Variants in OPCML observed in about 807,000 individuals in gnomAD.
The protein encoded by OPCML is opioid-binding protein/cell adhesion molecule.
Under a neutral mutation model 37.8 loss-of-function variants are expected in OPCML, and 13 were observed. The ratio of observed to expected loss-of-function variants is 0.34; its 90% CI spans 0.22 to 0.55. OPCML has a LOEUF of 0.55. Ranked by LOEUF, OPCML falls within the 20% of genes least tolerant of loss-of-function variation. The pLI, the probability that OPCML is intolerant of heterozygous loss-of-function variation, is 0.91. For synonymous variants in OPCML, 176 were observed against 168.8 expected (o/e 1.04, Z -0.33); for missense variants, 341 against 435.6 (o/e 0.78, Z 1.93).
At position 133,210,142 on chromosome 11, in the gene OPCML, T is replaced by G. The variant is rs535110019; in HGVS notation, c.62-267132A>C. Among the ~76,000 whole-genome samples, 68 of 152,356 alleles carry G rather than the reference T, an allele frequency of 4.5e-4. 1 individual carries two copies. The South Asian group carries it at 6.8e-3, about 15-fold the overall frequency. On this transcript the variant is annotated intron_variant, in intron 1 of 7. Transcript: ENST00000524381. ...TGGGACGTGCCTCATTTGGCTGGGC[T>G]GTCACTCACTATTTTTTCATTACAG...
intron 2 of OPCML, among the ~76,000 whole-genome samples, chr11:132,828,724 C>A (rs932122938): frequency 8.5e-5 from 13 of 152,092 alleles, no homozygotes; most frequent in African/African-American, 3.1e-4. Flanking sequence ...TAGAAAAATT[C>A]TTTCTTGCCC....
intron 1 of OPCML, among the ~76,000 whole-genome samples, chr11:133,124,834 G>C (rs1274195011): frequency 6.6e-6 from 1 of 152,100 alleles, no homozygotes; most frequent in Non-Finnish European, 1.5e-5. Flanking sequence ...ACCAGTGTAG[G>C]AACCTGAATA....
intron 1 of OPCML, among the ~76,000 whole-genome samples, chr11:133,342,291 T>C (rs567307538): frequency 6.6e-6 from 1 of 152,242 alleles, no homozygotes; most frequent in Non-Finnish European, 1.5e-5. Context: ...CAAACAGGGC[T>C]AAGATGGATC....
At chr11:132,558,559 A>T (rs2096403482) in intron 3 of OPCML, among the ~76,000 whole-genome samples, 1 of 123,500 alleles carries the variant, frequency 8.1e-6, no homozygotes, top group South Asian at 2.9e-4. Context: ...CTTCTTGTGG[A>T]TATTAAGCCA....
chr11:132,679,599 C>T (rs916688770), intron 2 of OPCML, among the ~76,000 whole-genome samples: 19 of 152,050 alleles, frequency 1.2e-4, no homozygotes, highest in African/African-American at 4.6e-4. Context: ...GAAAGATGAG[C>T]AGGAAATGGG....
intron 1 of OPCML, among the ~76,000 whole-genome samples, chr11:133,220,477 C>G (rs1217558722): frequency 1.3e-5 from 2 of 152,110 alleles, no homozygotes; most frequent in Non-Finnish European, 2.9e-5. Context: ...CTGGGAGAGG[C>G]AGTGAACAGG....
At chr11:133,091,698 A>C (rs747010404) in intron 1 of OPCML, among the ~76,000 whole-genome samples, 4 of 152,072 alleles carry the variant, frequency 2.6e-5, no homozygotes, top group Non-Finnish European at 5.9e-5. Context: ...TGACCCTCCC[A>C]CCATGGTATT....
At chr11:132,678,079 T>C (rs1441407460) in intron 2 of OPCML, among the ~76,000 whole-genome samples, 2 of 152,202 alleles carry the variant, frequency 1.3e-5, no homozygotes, top group African/African-American at 4.8e-5. Flanking sequence ...TTATAAAAGA[T>C]GTCAAAGACC....
rs569535503 is a variant in OPCML at position 133,289,488 on chromosome 11, G to A, written c.61+242776C>T. Among the ~76,000 whole-genome samples, 527 of 150,390 alleles carry A rather than the reference G, an allele frequency of 3.5e-3. 2 individuals are homozygous for A. The highest frequency in any genetic ancestry group is 6.2e-3 in the Non-Finnish European group (418 of 67,284). On this transcript the variant is annotated intron_variant, in intron 1 of 7. Transcript: ENST00000524381. ...CGGGCGCCTGTAGTCCCAGCTACTC[G>A]GGAGGCTGAGGCAGGAGAATGGCGT... is the stretch of plus-strand genomic sequence containing the variant.
rs147844083 is a variant in OPCML, at chr11:133,107,866, T to C, written c.62-164856A>G. Among the ~76,000 whole-genome samples, 642 of 152,342 alleles carry C rather than the reference T, an allele frequency of 4.2e-3. 6 individuals are homozygous for C. Among genetic ancestry groups the C allele is most frequent in the African/African-American group, 0.014 (602 of 41,582 alleles). On this transcript the variant is annotated intron_variant, in intron 1 of 7. Coordinates refer to ENST00000524381, the MANE Select transcript of OPCML (RefSeq NM_001012393.5). ...TCTTAATTTATTTTTTATTTCTGAT[T>C]CTCAACGTACTCGAGACAGAGGGAG...
chr11:133,117,690 G>A, intron 1 of OPCML: 1 of 665,112 alleles, frequency 1.5e-6, no homozygotes, highest in Non-Finnish European at 1.9e-6. Context: ...TGACCAGTTT[G>A]GTAATCACTC....
At chr11:132,544,059 T>C (rs1221892169) in intron 3 of OPCML, among the ~76,000 whole-genome samples, 1 of 152,168 alleles carries the variant, frequency 6.6e-6, no homozygotes, top group Non-Finnish European at 1.5e-5. Context: ...TATTTTAGCA[T>C]TTTTATTAAA....
intron 1 of OPCML, among the ~76,000 whole-genome samples, chr11:133,490,179 C>T (rs1159944000): frequency 3.9e-5 from 6 of 152,064 alleles, no homozygotes; most frequent in African/African-American, 7.2e-5. Flanking sequence ...GTGCCCAGGA[C>T]GCATGCAAGA....
chr11:133,132,162 C>A (rs1012857613), intron 1 of OPCML, among the ~76,000 whole-genome samples: 1 of 152,138 alleles, frequency 6.6e-6, no homozygotes, highest in Non-Finnish European at 1.5e-5. Flanking sequence ...ACAGAATACA[C>A]AGAAACTCTC....
intron 2 of OPCML, among the ~76,000 whole-genome samples, chr11:132,797,708 A>G (rs1242526396): frequency 2.0e-5 from 3 of 152,222 alleles, no homozygotes; most frequent in Non-Finnish European, 2.9e-5. Context: ...ATTGATCTCT[A>G]TCAATGGGTC....
chr11:132,652,449 G>A (rs930269476), intron 3 of OPCML, among the ~76,000 whole-genome samples: 12 of 151,794 alleles, frequency 7.9e-5, no homozygotes, highest in South Asian at 2.1e-4. Context: ...GGATGTTGTT[G>A]GCATTGGAGG....
intron 2 of OPCML, among the ~76,000 whole-genome samples, chr11:132,776,116 G>T (rs1166348663): frequency 6.6e-6 from 1 of 152,032 alleles, no homozygotes; most frequent in Non-Finnish European, 1.5e-5. Flanking sequence ...TTTTATTAAA[G>T]ACAGGGTTTC....
At chr11:132,516,448 A>G (rs1220550606) in intron 4 of OPCML, among the ~76,000 whole-genome samples, 3 of 152,106 alleles carry the variant, frequency 2.0e-5, no homozygotes, top group Non-Finnish European at 4.4e-5. Context: ...GGATCGATAT[A>G]CGATGGATAC....
At chr11:132,643,654 T>C (rs1362008781) in intron 3 of OPCML, among the ~76,000 whole-genome samples, 2 of 152,132 alleles carry the variant, frequency 1.3e-5, no homozygotes, top group African/African-American at 4.8e-5. Context: ...TCCATCTCTT[T>C]CCCTTATCAC....
Sources: gnomAD v4.1 joint callset for allele counts (sites outside exome capture counted in the v4.1 genomes callset) on GRCh38, gnomAD v4.1.1 for gene constraint, MANE v1.5 for transcripts, NCBI Gene and HGNC (gene_info 2026-07-23, HGNC 2026-07-21) for gene names.